The following LAMA2 variants were observed in gnomAD, a reference collection of about 807,000 sequenced individuals.
LAMA2 encodes the protein laminin subunit alpha 2.
Under a neutral mutation model 364.8 loss-of-function variants are expected in LAMA2, and 269 were observed. That is an observed-to-expected ratio of 0.74 (90% CI 0.67 to 0.82). The LOEUF (loss-of-function observed/expected upper bound fraction) is 0.82. Ranked by LOEUF, LAMA2 falls within the 40% of genes least tolerant of loss-of-function variation. The pLI, the probability that LAMA2 is intolerant of heterozygous loss-of-function variation, is 0.00. For synonymous variants in LAMA2, 1,379 were observed against 1,370.6 expected, an observed-to-expected ratio of 1.01 and a Z score of -0.14; for missense variants, 3,807 against 3,873.2, an observed-to-expected ratio of 0.98 and a Z score of 0.45.
At chr6:129,192,177 A>G (rs1299564479) in intron 11 of LAMA2, among the ~76,000 whole-genome samples, 2 of 152,234 alleles carry the variant, frequency 1.3e-5, no homozygotes, top group East Asian at 3.8e-4. Flanking sequence ...TACTGAATGA[A>G]ACACCACCTT....
intron 10 of LAMA2, among the ~76,000 whole-genome samples, chr6:129,188,927 G>A (rs1364331042): frequency 1.3e-5 from 2 of 151,650 alleles, no homozygotes; most frequent in African/African-American, 4.8e-5. Flanking sequence ...GCTCAATCTG[G>A]GTTTGTTTAA....
intron 34 of LAMA2, among the ~76,000 whole-genome samples, chr6:129,378,818 A>G (rs541611001): frequency 1.7e-4 from 26 of 152,326 alleles, no homozygotes; most frequent in East Asian, 9.7e-4. Context: ...TCACCTGTGT[A>G]AAAAGAGGGA....
intron 1 of LAMA2, among the ~76,000 whole-genome samples, chr6:128,907,869 C>T (rs903972068): frequency 0.01 from 1,573 of 152,178 alleles, 27 homozygotes; most frequent in African/African-American, 0.036. Flanking sequence ...TGTCAACGGC[C>T]TTTTCTGCAT....
chr6:129,444,180 G>C (rs1782254819), intron 44 of LAMA2, among the ~76,000 whole-genome samples: 1 of 152,078 alleles, frequency 6.6e-6, no homozygotes, highest in Admixed American at 6.6e-5. Context: ...GGAGAATAGA[G>C]GAAAAAGAGG....
chr6:128,913,243 C>A (rs1348947654), intron 1 of LAMA2, among the ~76,000 whole-genome samples: 1 of 152,152 alleles, frequency 6.6e-6, no homozygotes, highest in Non-Finnish European at 1.5e-5. Context: ...TTCTAAGTAG[C>A]TGGAGACCTT....
chr6:129,144,091 A>G lies in LAMA2; in HGVS notation c.819+11A>G, dbSNP rs1451676642. ...ATTGTCACCAGAAGAGTAAGTTATG[A>G]TGAATCATATTAGAGCCTACAAATG... On this transcript the variant is annotated intron_variant, in intron 5 of 64. Coordinates refer to ENST00000421865, the MANE Select transcript of LAMA2 (RefSeq NM_000426.4). The G allele has an allele frequency of 4.4e-6, 7 of 1,599,866 alleles. No individual in the cohort carries two copies. The highest frequency in any genetic ancestry group is 6.0e-6 in the Non-Finnish European group (7 of 1,167,600).
intron 12 of LAMA2, among the ~76,000 whole-genome samples, chr6:129,203,687 A>G (rs967770657): frequency 6.6e-6 from 1 of 152,212 alleles, no homozygotes; most frequent in African/African-American, 2.4e-5. Flanking sequence ...GGTGAAAGCT[A>G]TTACTCATAT....
At chr6:129,029,102 G>T (rs960448033) in intron 1 of LAMA2, among the ~76,000 whole-genome samples, 2 of 151,842 alleles carry the variant, frequency 1.3e-5, no homozygotes, top group African/African-American at 4.8e-5. Flanking sequence ...CAAGGAGAAA[G>T]GAATATGTTA....
At chr6:129,015,711 A>G (rs961913672) in intron 1 of LAMA2, among the ~76,000 whole-genome samples, 8 of 152,084 alleles carry the variant, frequency 5.3e-5, no homozygotes, top group African/African-American at 1.4e-4. Context: ...AGTCTGCACT[A>G]GGAATTGGAA....
intron 1 of LAMA2, among the ~76,000 whole-genome samples, chr6:129,037,704 C>T (rs9482975): frequency 0.025 from 3,666 of 145,480 alleles, 139 homozygotes; most frequent in African/African-American, 0.09. Context: ...CTCGCTCTGT[C>T]GCCCAGGCTG....
chr6:129,343,628 A>T (rs1018999791), intron 30 of LAMA2, among the ~76,000 whole-genome samples: 1 of 152,180 alleles, frequency 6.6e-6, no homozygotes, highest in African/African-American at 2.4e-5. Context: ...AGCCATTTGG[A>T]TTAGAAAAAT....
intron 3 of LAMA2, among the ~76,000 whole-genome samples, chr6:129,076,111 G>C (rs1356616653): frequency 6.6e-6 from 1 of 151,910 alleles, no homozygotes; most frequent in African/African-American, 2.4e-5. Context: ...AATTATTCAA[G>C]TGGAAATATT....
At chr6:129,296,056 A>G (rs1242105458) in intron 20 of LAMA2, among the ~76,000 whole-genome samples, 5 of 151,870 alleles carry the variant, frequency 3.3e-5, no homozygotes, top group African/African-American at 1.2e-4. Flanking sequence ...ATTTCATGCT[A>G]TATCCTAAGC....
At chr6:129,220,620 G>A (rs561435982) in intron 12 of LAMA2, among the ~76,000 whole-genome samples, 1 of 152,244 alleles carries the variant, frequency 6.6e-6, no homozygotes, top group African/African-American at 2.4e-5. Context: ...GTTTCAGTGA[G>A]CTTTGAAGCT....
intron 40 of LAMA2, among the ~76,000 whole-genome samples, chr6:129,405,409 T>G (rs1302198221): frequency 6.6e-6 from 1 of 152,108 alleles, no homozygotes; most frequent in Non-Finnish European, 1.5e-5. Context: ...AAAAATCATT[T>G]TTTGCCAACA....
intron 34 of LAMA2, among the ~76,000 whole-genome samples, chr6:129,375,666 G>A (rs1778330951): frequency 6.6e-6 from 1 of 151,984 alleles, no homozygotes; most frequent in African/African-American, 2.4e-5. Context: ...TGTTCCTTGG[G>A]GACTAGGCCT....
chr6:128,888,083 GC>G (rs1440551471), intron 1 of LAMA2, among the ~76,000 whole-genome samples: 2 of 152,132 alleles, frequency 1.3e-5, no homozygotes, highest in Non-Finnish European at 2.9e-5. Flanking sequence ...TGCAACTTGA[GC>G]CTCGATAGCT....
chr6:128,937,187 A>G lies in LAMA2; in HGVS notation c.112+53830A>G, dbSNP rs538574581. 2.0e-5 allele frequency among the ~76,000 whole-genome samples: 3 copies of G among 152,196 alleles called. No homozygotes were observed. The South Asian group carries it at 6.2e-4, about 31-fold the overall frequency. ...ACATTTATCGACTCATGTATGTTGA[A>G]TTATCCATTTATTCCAAGGATAAAT... On this transcript the variant is annotated intron_variant, in intron 1 of 64. Transcript: ENST00000421865.
chr6:129,404,710 T>C (rs1315155170), intron 40 of LAMA2, among the ~76,000 whole-genome samples: 1 of 152,134 alleles, frequency 6.6e-6, no homozygotes, highest in Non-Finnish European at 1.5e-5. Flanking sequence ...TTGTTTCACA[T>C]AGAACCTACC....
Sources: allele counts gnomAD v4.1 joint callset (sites outside exome capture counted in the v4.1 genomes callset), GRCh38; gene constraint gnomAD v4.1.1; transcripts MANE v1.5; gene names NCBI Gene and HGNC (gene_info 2026-07-23, HGNC 2026-07-21).